Variants in ATP6V1E1 observed in about 807,000 individuals in gnomAD.
The protein encoded by ATP6V1E1 is V-type proton ATPase subunit E 1.
A neutral mutation model predicts 35.2 loss-of-function variants in ATP6V1E1; 21 were observed. The ratio of observed to expected loss-of-function variants is 0.60; its 90% CI spans 0.42 to 0.86. ATP6V1E1 has a LOEUF of 0.86. ATP6V1E1 is among the 40% of genes least tolerant of loss of function. ATP6V1E1 has a pLI of 0.00. For missense variants in ATP6V1E1, 183 were observed against 272.6 expected (o/e 0.67, Z 2.32); for synonymous variants, 83 against 87.8 (o/e 0.95, Z 0.30).
At chr22:17,627,826 AAAAAAAG>A (rs922816904) in intron 1 of ATP6V1E1, among the ~76,000 whole-genome samples, 1 of 149,574 alleles carries the variant, frequency 6.7e-6, no homozygotes, top group Non-Finnish European at 1.5e-5. Flanking sequence ...CTCAAAAAAA[AAAAAAAG>A]AAAAAAAGAA....
At chr22:17,603,800 C>T (rs2057772736) in intron 4 of ATP6V1E1, among the ~76,000 whole-genome samples, 1 of 152,240 alleles carries the variant, frequency 6.6e-6, no homozygotes, top group African/African-American at 2.4e-5. Flanking sequence ...GTCTATAAGA[C>T]ATCTGGCTGA....
intron 1 of ATP6V1E1, among the ~76,000 whole-genome samples, chr22:17,622,627 T>C (rs2057883469): frequency 2.0e-5 from 3 of 152,062 alleles, no homozygotes; most frequent in Non-Finnish European, 4.4e-5. Context: ...TCTGCACATG[T>C]ATCTCAGAAC....
At chr22:17,605,219 A>AG (rs1555957838) in intron 4 of ATP6V1E1, among the ~76,000 whole-genome samples, 32 of 138,260 alleles carry the variant, frequency 2.3e-4, no homozygotes, top group Middle Eastern at 4.4e-3. Flanking sequence ...AAAAAAAAAA[A>AG]AAAAGAAAAG....
rs758937100 is a variant in ATP6V1E1, at chr22:17,613,339, A to G, written c.100-19T>C. ...CTTCTGCCTAGAGGGAAATTAGTCA[A>G]TATTAATTCATTACATCAAGTTTTG... On this transcript the variant is annotated intron_variant, in intron 2 of 8. Coordinates refer to ENST00000253413, the MANE Select transcript of ATP6V1E1 (RefSeq NM_001696.4). The G allele has an allele frequency of 1.3e-6, 2 of 1,593,238 alleles. No homozygotes were observed. The highest frequency in any genetic ancestry group is 2.2e-5 in the South Asian group (2 of 90,424).
At chr22:17,603,632 G>A (rs909671435) in intron 4 of ATP6V1E1, among the ~76,000 whole-genome samples, 1 of 152,168 alleles carries the variant, frequency 6.6e-6, no homozygotes, top group African/African-American at 2.4e-5. Flanking sequence ...GGGCAACAGA[G>A]TGAAACTCCA....
At chr22:17,623,835 G>A (rs1421800061) in intron 1 of ATP6V1E1, among the ~76,000 whole-genome samples, 2 of 152,050 alleles carry the variant, frequency 1.3e-5, no homozygotes, top group Admixed American at 6.6e-5. Flanking sequence ...AGCAAACTGC[G>A]CTAATTCTAA....
chr22:17,616,122 A>C (rs7291233), intron 2 of ATP6V1E1, among the ~76,000 whole-genome samples: 63,308 of 149,842 alleles, frequency 0.42, 15,037 homozygotes, highest in African/African-American at 0.65. Context: ...CTGAAGCTGG[A>C]GGATCATGAG....
chr22:17,624,964 G>A (rs958516388), intron 1 of ATP6V1E1, among the ~76,000 whole-genome samples: 2 of 152,110 alleles, frequency 1.3e-5, no homozygotes, highest in African/African-American at 4.8e-5. Context: ...TAGCACTGTG[G>A]CCACTAAGAG....
chr22:17,592,513 C>A lies in ATP6V1E1; in HGVS notation c.*161G>T, dbSNP rs887655009. 2 of 744,908 alleles carry A rather than the reference C, an allele frequency of 2.7e-6. No individual in the cohort carries two copies. The highest frequency in any genetic ancestry group is 2.3e-6 in the Non-Finnish European group (1 of 444,372). The allele number at this position is 744,908 out of a possible 1,614,324, so 46.1% of individuals were successfully genotyped here. A position where few individuals can be genotyped will look rare whatever the true frequency, so the allele number is the denominator to read the frequency against. On this transcript the variant is annotated 3_prime_UTR_variant, in exon 9 of 9. Coordinates refer to ENST00000253413, the MANE Select transcript of ATP6V1E1 (RefSeq NM_001696.4). ...ACATGAAGCTTTCCACCATTGTGAA[C>A]AATTAGGCAAGGCATGAGTGACAGA...
intron 7 of ATP6V1E1, 116 bp downstream of exon 7, chr22:17,598,078 A>G: frequency 5.1e-6 from 4 of 789,442 alleles, no homozygotes; most frequent in South Asian, 3.2e-5. Flanking sequence ...CCACAGCTCT[A>G]GCCTTGTGTC....
At position 17,598,273 on chromosome 22, in the gene ATP6V1E1, C is replaced by T; in HGVS notation, c.451G>A (p.Ala151Thr). ...FPLVKAAVQKAIPMYKIATKN... is the reference protein window; with the variant it reads ...FPLVKAAVQKTIPMYKIATKN... ...GTGGCAATTTTGTACATAGGAATTGCCTTCTGCACTGCAGCCTGGAAGTAT... is the reference window on the plus strand; with the variant it reads ...GTGGCAATTTTGTACATAGGAATTGTCTTCTGCACTGCAGCCTGGAAGTAT... Residue 151 changes from alanine (A) to threonine (T), a missense_variant, in exon 7 of 9, where the codon GCA (alanine) becomes ACA (threonine). Transcript: ENST00000253413. The T allele has an allele frequency of 6.2e-7, 1 of 1,613,638 alleles. No homozygotes were observed.
In ATP6V1E1 at chr22:17,592,614, A is replaced by C. The variant is rs2057708801; in HGVS notation, c.*60T>G. ...TACAGAGACATTCGTGTTTCTTCAA[A>C]TATCAGAAGCTTCCACATCACAGCA... On this transcript the variant is annotated 3_prime_UTR_variant, in exon 9 of 9. Transcript: ENST00000253413. 6.5e-7 allele frequency: 1 copy of C among 1,528,792 alleles called. No homozygotes were observed. Among genetic ancestry groups the C allele is most frequent in the Non-Finnish European group, 9.1e-7 (1 of 1,103,030 alleles). 94.7% of individuals were successfully genotyped at this position (1,528,792 alleles called of 1,614,324 possible).
chr22:17,604,598 C>A (rs1308026955), intron 4 of ATP6V1E1, among the ~76,000 whole-genome samples: 1 of 151,292 alleles, frequency 6.6e-6, no homozygotes, highest in Non-Finnish European at 1.5e-5. Context: ...CGGCTCACTG[C>A]AACCTCCGCC....
chr22:17,613,012 GC>G (rs1402261205), intron 3 of ATP6V1E1, 134 bp from the exon 4 acceptor site: 6 of 925,312 alleles, frequency 6.5e-6, no homozygotes, highest in Non-Finnish European at 9.9e-6. Flanking sequence ...GAGCCACCTT[GC>G]CCAGCCTGCA....
intron 4 of ATP6V1E1, among the ~76,000 whole-genome samples, chr22:17,611,359 A>G (rs1217336316): frequency 6.6e-6 from 1 of 152,252 alleles, no homozygotes; most frequent in Non-Finnish European, 1.5e-5. Context: ...ATAAACTGGC[A>G]ACAGATTTTG....
At chr22:17,615,164 G>T (rs966969666) in intron 2 of ATP6V1E1, among the ~76,000 whole-genome samples, 7 of 151,698 alleles carry the variant, frequency 4.6e-5, no homozygotes, top group African/African-American at 1.7e-4. Flanking sequence ...AGCCAGGCGT[G>T]GTGGCGGGCG....
intron 4 of ATP6V1E1, among the ~76,000 whole-genome samples, chr22:17,610,757 C>T (rs540119837): frequency 1.3e-5 from 2 of 152,270 alleles, no homozygotes; most frequent in South Asian, 4.1e-4. Context: ...AGTCAAGAGG[C>T]TTTCTGGGCA....
At chr22:17,596,878 T>A (rs1218683716) in intron 7 of ATP6V1E1, among the ~76,000 whole-genome samples, 1 of 152,052 alleles carries the variant, frequency 6.6e-6, no homozygotes, top group East Asian at 1.9e-4. Context: ...GGTCCCATAG[T>A]AGCAAAAGGC....
intron 2 of ATP6V1E1, among the ~76,000 whole-genome samples, chr22:17,616,266 T>C (rs1466120450): frequency 6.6e-6 from 1 of 152,212 alleles, no homozygotes; most frequent in Non-Finnish European, 1.5e-5. Context: ...GAGAATTGCT[T>C]GAACCCAGGA....
Sources: gnomAD v4.1 joint callset for allele counts (sites outside exome capture counted in the v4.1 genomes callset) on GRCh38, gnomAD v4.1.1 for gene constraint, MANE v1.5 for transcripts, NCBI Gene and HGNC (gene_info 2026-07-23, HGNC 2026-07-21) for gene names.